BRD10: variants seen among roughly 807,000 people sequenced by gnomAD.
BRD10 encodes bromodomain containing 10, also known as uncharacterized bromodomain-containing protein 10.
chr9:5,992,276 T>A, the BRD10 span, among the ~76,000 whole-genome samples: 2 of 152,198 alleles, frequency 1.3e-5, no homozygotes, highest in African/African-American at 4.8e-5. Context: ...TATATCTATA[T>A]GCGCATAGAA....
chr9:5,951,310 T>A, the BRD10 span, among the ~76,000 whole-genome samples: 11 of 133,192 alleles, frequency 8.3e-5, no homozygotes, highest in African/African-American at 2.8e-4. Context: ...AAAACATTTT[T>A]AAAAACTCAT....
the BRD10 span, among the ~76,000 whole-genome samples, chr9:5,916,869 C>A: frequency 6.6e-6 from 1 of 152,186 alleles, no homozygotes; most frequent in South Asian, 2.1e-4. Context: ...TTACAGAACC[C>A]TTAATAACAC....
the BRD10 span, among the ~76,000 whole-genome samples, chr9:5,992,598 A>G: frequency 6.6e-6 from 1 of 152,188 alleles, no homozygotes; most frequent in African/African-American, 2.4e-5. Context: ...CTATTAGGGA[A>G]ATCATTTCAT....
the BRD10 span, chr9:5,913,889 A>G: frequency 3.1e-6 from 1 of 327,190 alleles, no homozygotes; most frequent in South Asian, 2.5e-5. Context: ...CTAAAAATGC[A>G]GCTCATATGA....
chr9:5,936,242 G>A, the BRD10 span, among the ~76,000 whole-genome samples: 2 of 152,172 alleles, frequency 1.3e-5, no homozygotes, highest in African/African-American at 4.8e-5. Context: ...TGTAGTCCCA[G>A]CTACTGGGGA....
At chr9:5,892,370 A>C in the BRD10 span, 1 of 954,052 alleles carries the variant, frequency 1.0e-6, no homozygotes, top group Non-Finnish European at 1.6e-6. Context: ...CCTAGTGAGG[A>C]TGCTGTTGTG....
chr9:5,925,039 G>C, the BRD10 span, among the ~76,000 whole-genome samples: 2 of 152,048 alleles, frequency 1.3e-5, no homozygotes, highest in African/African-American at 4.8e-5. Context: ...TATGGTATAG[G>C]CATAAGAAAC....
chr9:5,891,400 G>C, the BRD10 span: 1 of 152,170 alleles, frequency 6.6e-6, no homozygotes, highest in African/African-American at 2.4e-5. Context: ...TGAGAGGACT[G>C]GTGAGTTTGA....
the BRD10 span, among the ~76,000 whole-genome samples, chr9:5,978,255 C>A: frequency 6.6e-6 from 1 of 151,768 alleles, no homozygotes; most frequent in African/African-American, 2.4e-5. Context: ...CACTAGATTT[C>A]CAAAAGAAAA....
chr9:5,884,177 C>T, the BRD10 span, among the ~76,000 whole-genome samples: 2,655 of 152,316 alleles, frequency 0.017, 85 homozygotes, highest in African/African-American at 0.061. Flanking sequence ...ACAGTTTACA[C>T]AATGTTTTCA....
chr9:5,971,037 A>G, the BRD10 span, among the ~76,000 whole-genome samples: 1 of 134,780 alleles, frequency 7.4e-6, no homozygotes, highest in Non-Finnish European at 1.6e-5. Context: ...GGGCAACAAG[A>G]GCTAAGCAAC....
the BRD10 span, chr9:5,910,365 AAAC>A: frequency 4.5e-4 from 68 of 152,358 alleles, 1 homozygote; most frequent in South Asian, 5.0e-3. Context: ...ACATCGAAAA[AAAC>A]AACATTTAAC....
At chr9:5,922,354 T>A in the BRD10 span, 4 of 1,613,978 alleles carry the variant, frequency 2.5e-6, no homozygotes, top group Non-Finnish European at 3.4e-6. Context: ...CTGCTGAAAC[T>A]GCATTCTTGG....
the BRD10 span, among the ~76,000 whole-genome samples, chr9:5,906,072 T>C: frequency 6.6e-6 from 1 of 151,778 alleles, no homozygotes; most frequent in Non-Finnish European, 1.5e-5. Context: ...GACAAATATG[T>C]TGGGTGCAGT....
the BRD10 span, chr9:5,892,373 C>T: frequency 6.1e-6 from 6 of 991,490 alleles, no homozygotes; most frequent in Non-Finnish European, 7.4e-6. Context: ...AGTGAGGATG[C>T]TGTTGTGGGT....
chr9:5,904,895 T>C, the BRD10 span, among the ~76,000 whole-genome samples: 3 of 151,960 alleles, frequency 2.0e-5, no homozygotes, highest in Admixed American at 6.6e-5. Context: ...TGACTCAGCC[T>C]CCCAAGTAGC....
At chr9:5,926,440 T>C in the BRD10 span, among the ~76,000 whole-genome samples, 1 of 152,220 alleles carries the variant, frequency 6.6e-6, no homozygotes, top group Admixed American at 6.5e-5. Context: ...CCTGAGTAGC[T>C]GGGACCACAG....
chr9:5,936,346 C>A, the BRD10 span, among the ~76,000 whole-genome samples: 1 of 152,124 alleles, frequency 6.6e-6, no homozygotes, highest in South Asian at 2.1e-4. Context: ...CAGAGTGAGA[C>A]CCTGTCTCAA....
At chr9:5,930,271 T>C in the BRD10 span, among the ~76,000 whole-genome samples, 1 of 151,324 alleles carries the variant, frequency 6.6e-6, no homozygotes, top group African/African-American at 2.4e-5. Flanking sequence ...TTGAGTCCAT[T>C]TGCATATAAG....
Sources: allele counts gnomAD v4.1 joint callset (sites outside exome capture counted in the v4.1 genomes callset), GRCh38; gene constraint gnomAD v4.1.1; transcripts MANE v1.5; gene names NCBI Gene and HGNC (gene_info 2026-07-23, HGNC 2026-07-21).